The following TESK2 variants were observed in gnomAD, a reference collection of about 807,000 sequenced individuals.
TESK2 encodes the protein testis associated actin remodelling kinase 2.
A neutral mutation model predicts 57.1 loss-of-function variants in TESK2; 39 were observed. The observed-to-expected ratio is 0.68, with a 90% confidence interval of 0.53 to 0.89. The LOEUF (loss-of-function observed/expected upper bound fraction) is 0.89, where lower values mean the gene tolerates loss of function less well. Among genes scored for constraint, TESK2 ranks in the 40% least tolerant of loss-of-function variants. The pLI, the probability that TESK2 is intolerant of heterozygous loss-of-function variation, is 0.00. For missense variants in TESK2, 646 were observed against 732.1 expected, an observed-to-expected ratio of 0.88 and a Z score of 1.36; for synonymous variants, 249 against 267.9, an observed-to-expected ratio of 0.93 and a Z score of 0.69.
chr1:45,441,545 C>T (rs777458745), intron 2 of TESK2, among the ~76,000 whole-genome samples: 10 of 151,470 alleles, frequency 6.6e-5, no homozygotes, highest in Non-Finnish European at 1.5e-4. Context: ...TGGCCTCAAG[C>T]AATCCTTCTG....
chr1:45,420,845 C>T (rs1650444432), intron 3 of TESK2, among the ~76,000 whole-genome samples: 1 of 152,150 alleles, frequency 6.6e-6, no homozygotes, highest in Admixed American at 6.6e-5. Flanking sequence ...GCCTCGGCCT[C>T]CCAAAGTGCT....
intron 2 of TESK2, among the ~76,000 whole-genome samples, chr1:45,439,105 T>C (rs1651342339): frequency 6.6e-6 from 1 of 152,144 alleles, no homozygotes; most frequent in South Asian, 2.1e-4. Flanking sequence ...CCTTTACCTA[T>C]TCAAGCACAA....
chr1:45,470,079 T>G (rs1652702828), intron 1 of TESK2, among the ~76,000 whole-genome samples: 1 of 152,186 alleles, frequency 6.6e-6, no homozygotes, highest in Non-Finnish European at 1.5e-5. Context: ...TCAGTGGACT[T>G]TCACACCCTA....
At chr1:45,486,779 G>GCACACACACACACACA (rs1557592851) in intron 1 of TESK2, among the ~76,000 whole-genome samples, 4 of 38,332 alleles carry the variant, frequency 1.0e-4, no homozygotes, top group East Asian at 1.5e-3. Context: ...TAGCCTCCCA[G>GCACACACACACACACA]CATACACACA....
intron 3 of TESK2, among the ~76,000 whole-genome samples, chr1:45,404,963 C>T (rs1426605017): frequency 3.3e-5 from 5 of 151,996 alleles, no homozygotes; most frequent in African/African-American, 9.7e-5. Flanking sequence ...TATACAGCCT[C>T]AATATATGAT....
At chr1:45,347,288 G>A (rs1052190123) in intron 7 of TESK2, among the ~76,000 whole-genome samples, 4 of 152,146 alleles carry the variant, frequency 2.6e-5, no homozygotes, top group Admixed American at 6.6e-5. Context: ...AGAATCAGCC[G>A]AGCGCGATGG....
intron 2 of TESK2, among the ~76,000 whole-genome samples, chr1:45,434,638 T>C (rs964707089): frequency 6.6e-6 from 1 of 152,164 alleles, no homozygotes; most frequent in African/African-American, 2.4e-5. Flanking sequence ...AAGAAATTTC[T>C]GTTCATGTCC....
At chr1:45,403,904 TCTC>T (rs1346387026) in intron 3 of TESK2, among the ~76,000 whole-genome samples, 1 of 134,096 alleles carries the variant, frequency 7.5e-6, no homozygotes, top group Non-Finnish European at 1.6e-5. Context: ...AAAAAACAAG[TCTC>T]CTGACAAAGG....
Position 45,487,925 on chromosome 1 carries a change from G to GT in TESK2, c.-87+2926dup, listed in dbSNP as rs200214124. ...TGGTCAACAATCTTTTAGCTCCTGA[G>GT]TTTTTTTTTGCTTTTTTTTTTTTCT... is the stretch of plus-strand genomic sequence containing the variant. On this transcript the variant is annotated intron_variant, in intron 1 of 10. Coordinates refer to ENST00000372086, the MANE Select transcript of TESK2 (RefSeq NM_007170.3). Among the ~76,000 whole-genome samples the GT allele has an allele frequency of 9.9e-4, 147 of 148,652 alleles. 3 individuals carry two copies. The highest frequency in any genetic ancestry group is 3.5e-3 in the Middle Eastern group (1 of 286).
intron 1 of TESK2, among the ~76,000 whole-genome samples, chr1:45,467,130 C>T (rs1465109230): frequency 2.6e-5 from 4 of 152,024 alleles, no homozygotes; most frequent in African/African-American, 7.2e-5. Context: ...GTTTCCTTAA[C>T]GTGATGAAGT....
intron 3 of TESK2, among the ~76,000 whole-genome samples, chr1:45,413,120 A>G (rs1650100517): frequency 6.6e-6 from 1 of 152,192 alleles, no homozygotes; most frequent in African/African-American, 2.4e-5. Flanking sequence ...CCTGGCGTAA[A>G]CAACCTTATT....
At chr1:45,431,018 C>T (rs1049751373) in intron 2 of TESK2, among the ~76,000 whole-genome samples, 7 of 152,136 alleles carry the variant, frequency 4.6e-5, no homozygotes, top group African/African-American at 1.4e-4. Context: ...TTAAACAATA[C>T]GAATTATTTA....
intron 1 of TESK2, among the ~76,000 whole-genome samples, chr1:45,461,016 T>G (rs952751345): frequency 2.0e-5 from 3 of 152,064 alleles, no homozygotes; most frequent in African/African-American, 7.2e-5. Context: ...AAACCCAGAG[T>G]CATGGGTCAT....
chr1:45,368,898 G>A (rs571048338), intron 4 of TESK2, among the ~76,000 whole-genome samples: 25 of 151,808 alleles, frequency 1.6e-4, no homozygotes, highest in African/African-American at 4.6e-4. Flanking sequence ...ACAGGTGTGC[G>A]CCACCATGCC....
intron 2 of TESK2, among the ~76,000 whole-genome samples, chr1:45,452,595 C>T (rs1234099416): frequency 1.3e-5 from 2 of 152,108 alleles, no homozygotes; most frequent in Middle Eastern, 3.4e-3. Flanking sequence ...CCAGCCTAGG[C>T]AACACAGAGA....
At chr1:45,482,449 G>A (rs1653265870) in intron 1 of TESK2, among the ~76,000 whole-genome samples, 1 of 151,900 alleles carries the variant, frequency 6.6e-6, no homozygotes, top group Non-Finnish European at 1.5e-5. Flanking sequence ...GATGGCTTGA[G>A]CCTGGGAGGT....
intron 2 of TESK2, among the ~76,000 whole-genome samples, chr1:45,443,631 T>C (rs930779219): frequency 3.9e-4 from 57 of 147,248 alleles, no homozygotes; most frequent in Non-Finnish European, 6.4e-4. Context: ...CACACTCTAA[T>C]TGTAAAGTAA....
intron 4 of TESK2, among the ~76,000 whole-genome samples, chr1:45,361,876 G>C (rs971067328): frequency 6.6e-6 from 1 of 152,038 alleles, no homozygotes; most frequent in African/African-American, 2.4e-5. Flanking sequence ...AGTGGCTCTC[G>C]CCTGTAATCC....
intron 1 of TESK2, among the ~76,000 whole-genome samples, chr1:45,475,499 C>T (rs1652953198): frequency 6.6e-6 from 1 of 152,058 alleles, no homozygotes. Context: ...GAGCCCCCAC[C>T]ACACCCGGCC....
Sources: gnomAD v4.1 joint callset for allele counts (sites outside exome capture counted in the v4.1 genomes callset) on GRCh38, gnomAD v4.1.1 for gene constraint, MANE v1.5 for transcripts, NCBI Gene and HGNC (gene_info 2026-07-23, HGNC 2026-07-21) for gene names.